Variants in IRS2 observed in about 807,000 individuals in gnomAD.
IRS2 encodes insulin receptor substrate 2.
In IRS2, 28 loss-of-function variants were observed where a neutral mutation model predicts 70.9. The observed-to-expected ratio is 0.39, with a 90% CI of 0.29 to 0.54. IRS2 has a LOEUF of 0.54. Ranked by LOEUF, IRS2 falls within the 20% of genes least tolerant of loss-of-function variation. The probability of loss-of-function intolerance (pLI) is 0.59; values close to 1 mark genes in which losing one functional copy is unlikely to be tolerated. For missense variants in IRS2, 2,081 were observed against 2,024.1 expected (o/e 1.03, Z -0.54); for synonymous variants, 1,217 against 981.9 (o/e 1.24, Z -4.48).
Position 109,784,683 on chromosome 13 carries a change from G to T in IRS2, c.1371C>A (p.Gly457=), listed in dbSNP as rs1877857549. The T allele has an allele frequency of 8.1e-6, 10 of 1,239,558 alleles. No homozygotes were observed. Among genetic ancestry groups the T allele is most frequent in the Non-Finnish European group, 1.0e-5 (10 of 994,604 alleles). 76.8% of individuals were successfully genotyped at this position (1,239,558 alleles called of 1,614,324 possible). ...SLSSSSGHGS[G]SYPPPPGPHP... ...GCGGGCCGGGCGGCGGCGGGTAGGA[G>T]CCCGAGCCGTGGCCGCTGCTGGACG... Residue 457 remains glycine (G), a synonymous_variant, in exon 1 of 2, where the codon GGC becomes GGA. Transcript: ENST00000375856. This position sits in a 1 kb window ranked among gnomAD's most constrained non-coding sequence, Gnocchi z 5.2.
intron 1 of IRS2, among the ~76,000 whole-genome samples, chr13:109,772,720 G>A (rs1877481020): frequency 7.2e-6 from 1 of 139,150 alleles, no homozygotes; most frequent in Non-Finnish European, 1.5e-5. Flanking sequence ...ACGGAGTCTC[G>A]CTCTGTCGGC....
At position 109,785,109 on chromosome 13, in the gene IRS2, G is replaced by A. The variant is rs780022210; in HGVS notation, c.945C>T (p.His315=). 1.3e-6 allele frequency: 2 copies of A among 1,591,444 alleles called. No homozygotes were observed. The highest frequency in any genetic ancestry group is 1.3e-5 in the African/African-American group (1 of 74,758). Residue 315 remains histidine (H), a synonymous_variant, in exon 1 of 2, where the codon CAC becomes CAT. Coordinates refer to ENST00000375856, the MANE Select transcript of IRS2 (RefSeq NM_003749.3). The surrounding 1 kb of genome is among the most constrained non-coding windows in gnomAD (Gnocchi z 9.3). ...GGCGCGCGCCGGGGACGCTGATGGGGTGCGTGGCCGACGACCCCGACGATT... is the reference window on the plus strand; with the variant it reads ...GGCGCGCGCCGGGGACGCTGATGGGATGCGTGGCCGACGACCCCGACGATT... ...KSQSSGSSAT[H]PISVPGARRH... is the part of the protein sequence containing the mutation.
chr13:109,786,080 G>C lies in IRS2; in HGVS notation c.-27C>G, dbSNP rs1877915763. 5.7e-6 allele frequency: 6 copies of C among 1,049,128 alleles called. No homozygotes were observed. The highest frequency in any genetic ancestry group is 4.4e-5 in the South Asian group (1 of 22,676). 65.0% of individuals were successfully genotyped at this position (1,049,128 alleles called of 1,614,324 possible). A position where few individuals can be genotyped will look rare whatever the true frequency, so the allele number is the denominator to read the frequency against. On this transcript the variant is annotated 5_prime_UTR_variant, in exon 1 of 2. Coordinates refer to ENST00000375856, the MANE Select transcript of IRS2 (RefSeq NM_003749.3). The surrounding 1 kb of genome is among the most constrained non-coding windows in gnomAD (Gnocchi z 4.4). ...GCGGGCGCTTCAGGCCGCGCGGCCCGGGCCCGGCGCCCAGGGGTTGGGGCG... is the reference window on the plus strand; with the variant it reads ...GCGGGCGCTTCAGGCCGCGCGGCCCCGGCCCGGCGCCCAGGGGTTGGGGCG...
chr13:109,759,639 C>A (rs964222543), intron 1 of IRS2, among the ~76,000 whole-genome samples: 3 of 152,098 alleles, frequency 2.0e-5, no homozygotes, highest in Admixed American at 1.3e-4. Context: ...AAGCCATCTG[C>A]CTGAACTGAT....
intron 1 of IRS2, among the ~76,000 whole-genome samples, chr13:109,758,430 A>C (rs1877153940): frequency 6.6e-6 from 1 of 152,234 alleles, no homozygotes; most frequent in African/African-American, 2.4e-5. Context: ...CTAAACTAGT[A>C]AGTTCTTCAG....
Position 109,754,504 on chromosome 13 carries a change from T to G in IRS2, c.*1800A>C, listed in dbSNP as rs1399377217. On this transcript the variant is annotated 3_prime_UTR_variant, in exon 2 of 2. Transcript: ENST00000375856. ...ACCCATTGATGCCTATTCCCAAAAC[T>G]AAATAAAAACTTCAGGATTTTTATA... is the stretch of plus-strand genomic sequence containing the variant. 6 of 133,222 alleles carry G rather than the reference T, an allele frequency of 4.5e-5. No homozygotes were observed. Among genetic ancestry groups the G allele is most frequent in the Admixed American group, 1.3e-4 (1 of 7,878 alleles). The allele number at this position is 133,222 out of a possible 1,614,324, so 8.3% of individuals were successfully genotyped here. A position where few individuals can be genotyped will look rare whatever the true frequency, so the allele number is the denominator to read the frequency against.
At chr13:109,764,737 G>C (rs568392123) in intron 1 of IRS2, among the ~76,000 whole-genome samples, 39 of 152,290 alleles carry the variant, frequency 2.6e-4, no homozygotes, top group African/African-American at 9.1e-4. Flanking sequence ...TGTCATCACA[G>C]CTCTTCCTCG....
chr13:109,757,584 A>C (rs7996317), intron 1 of IRS2, among the ~76,000 whole-genome samples: 5,089 of 152,226 alleles, frequency 0.033, 261 homozygotes, highest in African/African-American at 0.11. Context: ...AAACCCCAAA[A>C]GCTTTACAGA....
intron 1 of IRS2, among the ~76,000 whole-genome samples, chr13:109,772,366 G>T (rs188795713): frequency 1.3e-5 from 2 of 152,346 alleles, no homozygotes; most frequent in East Asian, 3.9e-4. Context: ...CAGACCACAC[G>T]TCTGCATCAG....
chr13:109,760,833 C>T (rs1002343793), intron 1 of IRS2, among the ~76,000 whole-genome samples: 4 of 152,216 alleles, frequency 2.6e-5, no homozygotes, highest in South Asian at 2.1e-4. Flanking sequence ...AGGAGGAAAG[C>T]TTCCTTGTAA....
chr13:109,776,541 TTAAG>T (rs566270155), intron 1 of IRS2, among the ~76,000 whole-genome samples: 161 of 152,378 alleles, frequency 1.1e-3, no homozygotes, highest in Non-Finnish European at 2.0e-3. Context: ...ATGAATTCAC[TTAAG>T]TAATAAAGCT....
chr13:109,774,935 A>G (rs973882116), intron 1 of IRS2, among the ~76,000 whole-genome samples: 4 of 152,164 alleles, frequency 2.6e-5, no homozygotes, highest in Admixed American at 2.6e-4. Flanking sequence ...ATTCAACTTC[A>G]ATAAGATTCT....
rs1431016182 is a variant in IRS2, at chr13:109,785,153, G to A, written c.901C>T (p.Arg301Trp). 2 of 1,598,814 alleles carry A rather than the reference G, an allele frequency of 1.3e-6. No homozygotes were observed. Among genetic ancestry groups the A allele is most frequent in the Admixed American group, 1.7e-5 (1 of 58,262 alleles). Residue 301 changes from arginine (R) to tryptophan (W), a missense_variant, in exon 1 of 2, where the codon CGG becomes TGG. Physicochemically the swap from Arg to Trp is moderately radical, Grantham distance 101. This residue lies in a region of IRS2 where 111 missense variants were observed against 133.1 expected (regional missense o/e 0.83). Transcript: ENST00000375856. This position sits in a 1 kb window ranked among gnomAD's most constrained non-coding sequence, Gnocchi z 9.3. ...GACGATTGGCTCTTACTGCGCGGCC[G>A]GAACTCGAAGAGCTCCTTGAGCGCC... ...MKALKELFEF[R>W]PRSKSQSSGS...
chr13:109,762,538 C>T (rs1383942017), intron 1 of IRS2, among the ~76,000 whole-genome samples: 1 of 152,158 alleles, frequency 6.6e-6, no homozygotes, highest in Non-Finnish European at 1.5e-5. Flanking sequence ...CCTGGGGCCC[C>T]AGAGTGTCAA....
chr13:109,779,336 C>T (rs1430225585), intron 1 of IRS2, among the ~76,000 whole-genome samples: 2 of 152,254 alleles, frequency 1.3e-5, no homozygotes, highest in Admixed American at 6.5e-5. Context: ...CCAGGCAGGG[C>T]AGGGGGCCGC....
At chr13:109,764,066 C>A (rs1250165003) in intron 1 of IRS2, among the ~76,000 whole-genome samples, 1 of 152,234 alleles carries the variant, frequency 6.6e-6, no homozygotes, top group Admixed American at 6.5e-5. Context: ...ACTGAGCCAT[C>A]TACTAGAGTC....
At position 109,783,846 on chromosome 13, in the gene IRS2, G is replaced by A; in HGVS notation, c.2208C>T (p.Ser736=). The A allele has an allele frequency of 1.9e-6, 3 of 1,570,582 alleles. No individual in the cohort carries two copies. The highest frequency in any genetic ancestry group is 2.6e-6 in the Non-Finnish European group (3 of 1,158,116). ...GYKASSPAES[S]PEDSGYMRMW... ...TGCGCATGTACCCACTGTCCTCGGG[G>A]GAGCTCTCGGCGGGCGAGCTGGCCT... Residue 736 remains serine, a synonymous_variant, in exon 1 of 2, where the codon TCC becomes TCT. Transcript: ENST00000375856.
At chr13:109,764,263 A>G (rs1877288073) in intron 1 of IRS2, among the ~76,000 whole-genome samples, 1 of 152,172 alleles carries the variant, frequency 6.6e-6, no homozygotes, top group Non-Finnish European at 1.5e-5. Context: ...CTCAGGATAC[A>G]GGTGTGAAAG....
At position 109,785,440 on chromosome 13, in the gene IRS2, T is replaced by G. The variant is rs982171623; in HGVS notation, c.614A>C (p.Lys205Thr). ...CAGGTTCTTGCTCTGGCCCAGACCC[T>G]TGGGCTTCAGGTTCACCTGCCACAC... Reference protein sequence around the residue: ...REVWQVNLKPKGLGQSKNLTG... With the variant: ...REVWQVNLKPTGLGQSKNLTG... The change falls in exon 1 of 2, where the codon AAG (lysine) becomes ACG (threonine). Residue 205 changes from lysine to threonine, a missense_variant. Physicochemically the swap from Lys to Thr is moderately conservative, Grantham distance 78. Transcript: ENST00000375856. The surrounding 1 kb of genome is among the most constrained non-coding windows in gnomAD (Gnocchi z 9.3). 6.2e-6 allele frequency: 10 copies of G among 1,611,992 alleles called. No individual in the cohort carries two copies. Among genetic ancestry groups the G allele is most frequent in the South Asian group, 1.1e-5 (1 of 91,064 alleles).
Sources: gnomAD v4.1 joint callset for allele counts (sites outside exome capture counted in the v4.1 genomes callset) on GRCh38, gnomAD v4.1.1 for gene constraint, gnomAD v4.1.1 regional missense constraint, Gnocchi (gnomAD v3.1) non-coding constraint, MANE v1.5 for transcripts, NCBI Gene and HGNC (gene_info 2026-07-23, HGNC 2026-07-21) for gene names.